Variants in SDC2 observed in about 807,000 individuals in gnomAD.
SDC2 encodes the protein syndecan 2.
Under a neutral mutation model 22.2 loss-of-function variants are expected in SDC2, and 13 were observed. The ratio of observed to expected loss-of-function variants is 0.59; its 90% CI spans 0.38 to 0.93. SDC2 has a LOEUF of 0.93. Ranked by LOEUF, SDC2 falls within the 40% of genes least tolerant of loss-of-function variation. The probability of loss-of-function intolerance (pLI) is 0.00; values close to 1 mark genes in which losing one functional copy is unlikely to be tolerated. For synonymous variants in SDC2, 94 were observed against 92.8 expected (o/e 1.01, Z -0.07); for missense variants, 235 against 246.8 (o/e 0.95, Z 0.32).
Position 96,498,415 on chromosome 8 carries a change from C to T in SDC2, c.60+4084C>T, listed in dbSNP as rs138802770. 5.9e-3 allele frequency among the ~76,000 whole-genome samples: 904 copies of T among 152,180 alleles called. 8 individuals carry two copies. Among genetic ancestry groups the T allele is most frequent in the African/African-American group, 0.02 (814 of 41,524 alleles). ...GTTTACCCAGCTCCTGACCTGAGCT[C>T]AGCACTGCAAAGAAGTCGGGGTTTG... On this transcript the variant is annotated intron_variant, in intron 1 of 4. Transcript: ENST00000302190.
chr8:96,522,851 A>G (rs375606962), intron 1 of SDC2, among the ~76,000 whole-genome samples: 1 of 149,270 alleles, frequency 6.7e-6, no homozygotes, highest in African/African-American at 2.6e-5. Context: ...CCCTGACCAG[A>G]AGAAGTAACA....
At chr8:96,608,048 T>C (rs550152080) in intron 3 of SDC2, among the ~76,000 whole-genome samples, 1 of 152,222 alleles carries the variant, frequency 6.6e-6, no homozygotes, top group East Asian at 1.9e-4. Flanking sequence ...GTAGAAATCT[T>C]AGGAAATGTC....
intron 1 of SDC2, among the ~76,000 whole-genome samples, chr8:96,510,199 G>T (rs905916717): frequency 6.6e-6 from 1 of 152,118 alleles, no homozygotes; most frequent in Non-Finnish European, 1.5e-5. Context: ...AATACATTCT[G>T]GGACTTGATT....
chr8:96,546,817 C>T (rs145029385), intron 1 of SDC2, among the ~76,000 whole-genome samples: 3 of 152,318 alleles, frequency 2.0e-5, no homozygotes, highest in East Asian at 3.9e-4. Flanking sequence ...TCCGTCAGAA[C>T]GGTTAGCACT....
chr8:96,554,206 A>G (rs1237795088), intron 1 of SDC2, among the ~76,000 whole-genome samples: 1 of 152,222 alleles, frequency 6.6e-6, no homozygotes, highest in Non-Finnish European at 1.5e-5. Context: ...TACATGTTTT[A>G]TAAGAAATTT....
chr8:96,521,891 G>A (rs1813503351), intron 1 of SDC2, among the ~76,000 whole-genome samples: 1 of 152,166 alleles, frequency 6.6e-6, no homozygotes, highest in African/African-American at 2.4e-5. Flanking sequence ...TCAACCTAAA[G>A]CATTTTGAGT....
chr8:96,500,417 T>G (rs1038799149), intron 1 of SDC2, among the ~76,000 whole-genome samples: 4 of 151,974 alleles, frequency 2.6e-5, no homozygotes, highest in African/African-American at 9.7e-5. Context: ...ATCCCAGCAC[T>G]TTGGGAGGCC....
chr8:96,512,423 C>T (rs1813342615), intron 1 of SDC2, among the ~76,000 whole-genome samples: 1 of 151,948 alleles, frequency 6.6e-6, no homozygotes, highest in East Asian at 1.9e-4. Context: ...AGAATAGCTT[C>T]CTAGTTCCTT....
chr8:96,606,497 G>A (rs1254538824), intron 3 of SDC2, among the ~76,000 whole-genome samples: 1 of 152,172 alleles, frequency 6.6e-6, no homozygotes, highest in Non-Finnish European at 1.5e-5. Flanking sequence ...GGAATTGTCT[G>A]GAGAACTTAA....
chr8:96,600,997 T>C lies in SDC2; in HGVS notation c.173-1398T>C, dbSNP rs953230903. On this transcript the variant is annotated intron_variant, in intron 2 of 4. Transcript: ENST00000302190. ...AGAGGCCTAGGGACAGACCTTCAGA[T>C]ACTCTTTGATATTTGATGTTGAGGT... 1.2e-4 allele frequency among the ~76,000 whole-genome samples: 19 copies of C among 152,162 alleles called. 1 individual carries two copies. Among genetic ancestry groups the C allele is most frequent in the Admixed American group, 1.2e-3 (19 of 15,268 alleles).
intron 1 of SDC2, among the ~76,000 whole-genome samples, chr8:96,505,773 A>T (rs1813229788): frequency 6.6e-6 from 1 of 152,190 alleles, no homozygotes; most frequent in Non-Finnish European, 1.5e-5. Flanking sequence ...TAAGTTTTGT[A>T]CTCGATAAAT....
chr8:96,505,549 C>T (rs1292632597), intron 1 of SDC2, among the ~76,000 whole-genome samples: 1 of 152,220 alleles, frequency 6.6e-6, no homozygotes, highest in Admixed American at 6.5e-5. Context: ...ATCTCCCTGC[C>T]TTGGCCTCCC....
At chr8:96,592,296 GT>G (rs1385834696) in intron 1 of SDC2, among the ~76,000 whole-genome samples, 1 of 152,230 alleles carries the variant, frequency 6.6e-6, no homozygotes, top group African/African-American at 2.4e-5. Context: ...GGTTGGACCT[GT>G]CCTCTTAGGA....
chr8:96,516,283 TAAAGATC>T (rs1200017214), intron 1 of SDC2, among the ~76,000 whole-genome samples: 1 of 152,168 alleles, frequency 6.6e-6, no homozygotes, highest in Non-Finnish European at 1.5e-5. Context: ...GACACTGAGC[TAAAGATC>T]AAAACATAGC....
chr8:96,535,386 AT>A (rs1194710726), intron 1 of SDC2, among the ~76,000 whole-genome samples: 1 of 152,250 alleles, frequency 6.6e-6, no homozygotes, highest in Non-Finnish European at 1.5e-5. Context: ...TTTATCTGGA[AT>A]TCAGATTTAA....
intron 3 of SDC2, among the ~76,000 whole-genome samples, 197 bp downstream of exon 3, chr8:96,602,725 A>G (rs529980173): frequency 4.0e-4 from 61 of 152,302 alleles, no homozygotes; most frequent in African/African-American, 1.3e-3. Flanking sequence ...GGTGTTATAA[A>G]TGGCTCTTCC....
chr8:96,587,394 C>T (rs1051688691), intron 1 of SDC2, among the ~76,000 whole-genome samples: 2 of 152,086 alleles, frequency 1.3e-5, no homozygotes, highest in Non-Finnish European at 2.9e-5. Flanking sequence ...GTAAACAAAC[C>T]CTTAAAGTAA....
chr8:96,547,755 T>TTATG (rs1379378914), intron 1 of SDC2, among the ~76,000 whole-genome samples: 8 of 152,040 alleles, frequency 5.3e-5, no homozygotes, highest in African/African-American at 7.2e-5. Flanking sequence ...TTTTAAATTT[T>TTATG]TATGTATGTA....
chr8:96,577,120 G>A (rs1268655067), intron 1 of SDC2, among the ~76,000 whole-genome samples: 1 of 152,308 alleles, frequency 6.6e-6, no homozygotes, highest in East Asian at 1.9e-4. Context: ...TGATGGAACA[G>A]TGTAGGCAAG....
Sources: allele counts gnomAD v4.1 joint callset (sites outside exome capture counted in the v4.1 genomes callset), GRCh38; gene constraint gnomAD v4.1.1; transcripts MANE v1.5; gene names NCBI Gene and HGNC (gene_info 2026-07-23, HGNC 2026-07-21).